Variants in ID4 observed in about 807,000 individuals in gnomAD.
ID4 encodes DNA-binding protein inhibitor ID-4.
ID4 carries 9 observed loss-of-function variants against 8.6 expected under a neutral mutation model. The observed-to-expected ratio is 1.04, with a 90% CI of 0.63 to 1.82. The LOEUF is 1.82. Among genes scored for constraint, ID4 ranks in the 40% most tolerant of loss-of-function variants. The probability of loss-of-function intolerance (pLI) is 0.00; values close to 1 mark genes in which losing one functional copy is unlikely to be tolerated. For synonymous variants in ID4, 180 were observed against 118.0 expected (o/e 1.53, Z -3.41); for missense variants, 270 against 235.1 (o/e 1.15, Z -0.97).
rs1482171641 is a variant in ID4, at chr6:19,837,761, G to A, written c.7G>A (p.Ala3Thr). The A allele has an allele frequency of 8.9e-7, 1 of 1,126,194 alleles. No individual in the cohort carries two copies. The highest frequency in any genetic ancestry group is 1.1e-6 in the Non-Finnish European group (1 of 920,790). The allele number at this position is 1,126,194 out of a possible 1,614,324, so 69.8% of individuals were successfully genotyped here. Reference protein sequence around the residue: MKAVSPVRPSGRK... With the variant: MKTVSPVRPSGRK... ...AGAGCGCAGGGCGCGCGCGATGAAG[G>A]CGGTGAGCCCGGTGCGCCCCTCGGG... The change falls in exon 1 of 3, where the codon GCG becomes ACG. Residue 3 changes from alanine (A) to threonine (T), a missense_variant. Ala to Thr is a moderately conservative substitution (Grantham distance 58). Transcript: ENST00000378700.
rs1413712779 is a variant in ID4 at position 19,838,084 on chromosome 6, G to A, written c.330G>A (p.Thr110=). 4.4e-6 allele frequency: 7 copies of A among 1,604,736 alleles called. No homozygotes were observed. Among genetic ancestry groups the A allele is most frequent in the Middle Eastern group, 3.3e-4 (2 of 6,030 alleles). Residue 110 remains threonine, a synonymous_variant, in exon 1 of 3, where the codon ACG becomes ACA. Coordinates refer to ENST00000378700, the MANE Select transcript of ID4 (RefSeq NM_001546.4). ...YILDLQLALE[T]HPALLRQPPP... ...TGGACCTGCAGCTGGCGCTGGAGACGCACCCGGCCCTGCTGAGGCAGCCAC... is the reference window on the plus strand; with the variant it reads ...TGGACCTGCAGCTGGCGCTGGAGACACACCCGGCCCTGCTGAGGCAGCCAC...
intron 1 of ID4, 154 bp from the exon 2 acceptor site, chr6:19,838,430 C>G (rs1395366636): frequency 2.6e-5 from 15 of 575,560 alleles, no homozygotes; most frequent in South Asian, 7.6e-5. Flanking sequence ...CCTGGGCTGT[C>G]AAGTCCCGCC....
At position 19,840,665 on chromosome 6, in the gene ID4, G is replaced by C. The variant is rs903224156; in HGVS notation, c.*1470G>C. 1 of 152,402 alleles carries C rather than the reference G, an allele frequency of 6.6e-6. No homozygotes were observed. Among genetic ancestry groups the C allele is most frequent in the Non-Finnish European group, 1.5e-5 (1 of 68,000 alleles). 9.4% of individuals were successfully genotyped at this position (152,402 alleles called of 1,614,324 possible). A position where few individuals can be genotyped will look rare whatever the true frequency, so the allele number is the denominator to read the frequency against. Reference sequence around the variant, plus strand: ...GTAACTTTTACATGTGAATATTAAAGTAGATTTCTCTGTCTTGTACTGTGA... The same window carrying C: ...GTAACTTTTACATGTGAATATTAAACTAGATTTCTCTGTCTTGTACTGTGA... On this transcript the variant is annotated 3_prime_UTR_variant, in exon 3 of 3. Transcript: ENST00000378700.
chr6:19,838,147 T>A lies in ID4; in HGVS notation c.393T>A (p.Cys131Ter). The A allele has an allele frequency of 6.5e-7, 1 of 1,534,072 alleles. No homozygotes were observed. The highest frequency in any genetic ancestry group is 8.8e-7 in the Non-Finnish European group (1 of 1,140,318). Residue 131 changes from cysteine to a stop codon, truncating the protein, a stop_gained, in exon 1 of 3, where the codon TGT becomes TGA. Transcript: ENST00000378700. LOFTEE classifies it high-confidence loss of function. ...PAPPHHPAGTCPAAPPRTPLT... is the reference protein window; with the variant it reads ...PAPPHHPAGT ...CGCCACACCACCCGGCCGGGACCTG[T>A]CCAGCCGCGCCGCCGCGGACCCCGC...
chr6:19,838,331 C>T (rs1761273864), intron 1 of ID4, 136 bp downstream of exon 1: 6 of 1,007,136 alleles, frequency 6.0e-6, no homozygotes, highest in South Asian at 4.4e-5. Context: ...CCTGCTCCTC[C>T]GGGCTCCCCC....
At chr6:19,838,942 G>A (rs1761295812) in intron 2 of ID4, 1 of 449,276 alleles carries the variant, frequency 2.2e-6, no homozygotes, top group Non-Finnish European at 4.0e-6. Flanking sequence ...GCACCCTCGT[G>A]GGCATGGGAG....
In ID4 at chr6:19,841,052, TAGTC is replaced by T. The variant is rs936613536; in HGVS notation, c.*1861_*1864del. On this transcript the variant is annotated 3_prime_UTR_variant, in exon 3 of 3. Transcript: ENST00000378700. ...GAATATGAAATACCATGGTCCCTAG[TAGTC>T]AGTTGAAGTGGCAATGTCTAAACAG... 2.6e-5 allele frequency among the ~76,000 whole-genome samples: 4 copies of T among 152,188 alleles called. No homozygotes were observed. Among genetic ancestry groups the T allele is most frequent in the African/African-American group, 7.2e-5 (3 of 41,446 alleles).
rs954116271 is a variant in ID4, at chr6:19,840,719, C to G, written c.*1524C>G. The G allele has an allele frequency of 7.2e-6, 1 of 138,168 alleles. No individual in the cohort carries two copies. 8.6% of individuals were successfully genotyped at this position (138,168 alleles called of 1,614,324 possible). ...CTGGTCTCATTTCTTTAAAACCTTACTCTTATTTTTCTTTTAAGGCTCTTT... is the reference window on the plus strand; with the variant it reads ...CTGGTCTCATTTCTTTAAAACCTTAGTCTTATTTTTCTTTTAAGGCTCTTT... On this transcript the variant is annotated 3_prime_UTR_variant, in exon 3 of 3. Transcript: ENST00000378700.
Position 19,842,155 on chromosome 6 carries a change from G to T in ID4, c.*2960G>T, listed in dbSNP as rs1003387888. On this transcript the variant is annotated 3_prime_UTR_variant, in exon 3 of 3. Coordinates refer to ENST00000378700, the MANE Select transcript of ID4 (RefSeq NM_001546.4). ...AAAATTTCGAGCCCACAAATCTATT[G>T]TATTAGTTGCCTTCTATAACAATAA... is the stretch of plus-strand genomic sequence containing the variant. Among the ~76,000 whole-genome samples, 1 of 152,160 alleles carries T rather than the reference G, an allele frequency of 6.6e-6. No homozygotes were observed. The highest frequency in any genetic ancestry group is 1.5e-5 in the Non-Finnish European group (1 of 68,016).
In ID4 at chr6:19,838,435, C is replaced by T. The variant is rs966948873; in HGVS notation, c.442-149C>T. The T allele has an allele frequency of 5.2e-6, 6 of 1,149,470 alleles. No individual in the cohort carries two copies. In the Admixed American group the frequency reaches 6.0e-5, roughly 11 times the overall value. 71.2% of individuals were successfully genotyped at this position (1,149,470 alleles called of 1,614,324 possible). On this transcript the variant is annotated intron_variant, in intron 1 of 2. Transcript: ENST00000378700. ...CTGTGGGCGCCCTGGGCTGTCAAGTCCCGCCTGAGCCCGGAGGGGCCCCCC... is the reference window on the plus strand; with the variant it reads ...CTGTGGGCGCCCTGGGCTGTCAAGTTCCGCCTGAGCCCGGAGGGGCCCCCC...
rs1442640657 is a variant in ID4, at chr6:19,837,613, G to A, written c.-142G>A. The stretch of plus-strand genomic sequence containing the variant: ...AGAGCGACCCTCCCGTCAATTGTTG[G>A]GCTCGGGAGTGTCGCGGTGCCCCGA... On this transcript the variant is annotated 5_prime_UTR_variant, in exon 1 of 3. Coordinates refer to ENST00000378700, the MANE Select transcript of ID4 (RefSeq NM_001546.4). The A allele has an allele frequency of 7.5e-6, 3 of 398,724 alleles. No individual in the cohort carries two copies. Among genetic ancestry groups the A allele is most frequent in the South Asian group, 2.2e-4 (2 of 8,992 alleles). The allele number at this position is 398,724 out of a possible 1,614,324, so 24.7% of individuals were successfully genotyped here.
rs544222529 is a variant in ID4, at chr6:19,840,564, C to G, written c.*1369C>G. The G allele has an allele frequency of 6.6e-6, 1 of 152,634 alleles. No individual in the cohort carries two copies. Among genetic ancestry groups the G allele is most frequent in the Non-Finnish European group, 1.5e-5 (1 of 67,982 alleles). 9.5% of individuals were successfully genotyped at this position (152,634 alleles called of 1,614,324 possible). A position where few individuals can be genotyped will look rare whatever the true frequency, so the allele number is the denominator to read the frequency against. The stretch of plus-strand genomic sequence containing the variant: ...AGACCAAAAATTCTGATGACCGCAT[C>G]TAGATTATTTTTTTATAAAAATGAT... On this transcript the variant is annotated 3_prime_UTR_variant, in exon 3 of 3. Coordinates refer to ENST00000378700, the MANE Select transcript of ID4 (RefSeq NM_001546.4).
chr6:19,841,645 G>A lies in ID4; in HGVS notation c.*2450G>A, dbSNP rs1761360827. On this transcript the variant is annotated 3_prime_UTR_variant, in exon 3 of 3. Transcript: ENST00000378700. The stretch of plus-strand genomic sequence containing the variant: ...ACAGATACTACATTTCAAAGAGTTG[G>A]CATTTTCCCTTTGGCCACTCAAGCA... Among the ~76,000 whole-genome samples, 1 of 152,134 alleles carries A rather than the reference G, an allele frequency of 6.6e-6. No homozygotes were observed. Among genetic ancestry groups the A allele is most frequent in the South Asian group, 2.1e-4 (1 of 4,826 alleles).
chr6:19,838,315 CCTCCCCCTG>C lies in ID4; in HGVS notation c.441+125_441+133del, dbSNP rs976658617. 3 of 1,058,792 alleles carry C rather than the reference CCTCCCCCTG, an allele frequency of 2.8e-6. No individual in the cohort carries two copies. In the African/African-American group the frequency reaches 5.1e-5, roughly 18 times the overall value. The allele number at this position is 1,058,792 out of a possible 1,614,324, so 65.6% of individuals were successfully genotyped here. A position where few individuals can be genotyped will look rare whatever the true frequency, so the allele number is the denominator to read the frequency against. The stretch of plus-strand genomic sequence containing the variant: ...AGGGGCGGGCCAGGAATGACAGCCC[CCTCCCCCTG>C]CTCCTCCGGGCTCCCCCGGGCCGCC... On this transcript the variant is annotated intron_variant, in intron 1 of 2. Transcript: ENST00000378700.
intron 2 of ID4, 121 bp downstream of exon 2, chr6:19,838,763 G>C: frequency 1.3e-6 from 1 of 778,538 alleles, no homozygotes; most frequent in Non-Finnish European, 2.1e-6. Flanking sequence ...AACTCCCAAG[G>C]AAGTAAATCC....
Position 19,837,654 on chromosome 6 carries a change from A to G in ID4, c.-101A>G. The stretch of plus-strand genomic sequence containing the variant: ...GGTGCCCCGAGCGCGCCGGGCGCGG[A>G]GGCAAAGGGAGCGGAGCCGGCCGCG... On this transcript the variant is annotated 5_prime_UTR_variant, in exon 1 of 3. Coordinates refer to ENST00000378700, the MANE Select transcript of ID4 (RefSeq NM_001546.4). 2 of 814,276 alleles carry G rather than the reference A, an allele frequency of 2.5e-6. No individual in the cohort carries two copies. Among genetic ancestry groups the G allele is most frequent in the Non-Finnish European group, 1.5e-6 (1 of 658,126 alleles). 50.4% of individuals were successfully genotyped at this position (814,276 alleles called of 1,614,324 possible). A position where few individuals can be genotyped will look rare whatever the true frequency, so the allele number is the denominator to read the frequency against.
In ID4 at chr6:19,841,775, C is replaced by T. The variant is rs897788470; in HGVS notation, c.*2580C>T. Reference sequence around the variant, plus strand: ...CATTGAAATGTTGGCTATGTCCTAACCAGGCAACCAGATAACAAAAACATT... The same window carrying T: ...CATTGAAATGTTGGCTATGTCCTAATCAGGCAACCAGATAACAAAAACATT... On this transcript the variant is annotated 3_prime_UTR_variant, in exon 3 of 3. Transcript: ENST00000378700. 1.3e-5 allele frequency among the ~76,000 whole-genome samples: 2 copies of T among 152,120 alleles called. No homozygotes were observed. Among genetic ancestry groups the T allele is most frequent in the African/African-American group, 4.8e-5 (2 of 41,438 alleles).
Position 19,838,189 on chromosome 6 carries a change from C to T in ID4, c.435C>T (p.Thr145=), listed in dbSNP as rs1337749423. The T allele has an allele frequency of 1.3e-5, 18 of 1,395,898 alleles. No homozygotes were observed. Among genetic ancestry groups the T allele is most frequent in the Non-Finnish European group, 1.7e-5 (18 of 1,078,252 alleles). 86.5% of individuals were successfully genotyped at this position (1,395,898 alleles called of 1,614,324 possible). A position where few individuals can be genotyped will look rare whatever the true frequency, so the allele number is the denominator to read the frequency against. Residue 145 remains threonine, a synonymous_variant, in exon 1 of 3, where the codon ACC becomes ACT. Transcript: ENST00000378700. ...GGACCCCGCTCACTGCGCTCAACAC[C>T]GACCCGGTGAGAGGCCGGGCGCCGG... ...PPRTPLTALN[T]DPAGAVNKQG...
rs1561854206 is a variant in ID4 at position 19,839,476 on chromosome 6, CAGTT to C, written c.*283_*286del. 2.0e-5 allele frequency: 3 copies of C among 152,510 alleles called. No individual in the cohort carries two copies. The highest frequency in any genetic ancestry group is 7.2e-5 in the African/African-American group (3 of 41,410). The allele number at this position is 152,510 out of a possible 1,614,324, so 9.4% of individuals were successfully genotyped here. ...TACATTTCTGTGTTTTTTGGAGGTG[CAGTT>C]AAACTTTTAAGCTTAAGTGTGACAG... On this transcript the variant is annotated 3_prime_UTR_variant, in exon 3 of 3. Transcript: ENST00000378700.
Sources: gnomAD v4.1 joint callset for allele counts (sites outside exome capture counted in the v4.1 genomes callset) on GRCh38, gnomAD v4.1.1 for gene constraint, MANE v1.5 for transcripts, NCBI Gene and HGNC (gene_info 2026-07-23, HGNC 2026-07-21) for gene names.